The following LTBP2 variants were observed in gnomAD, a reference collection of about 807,000 sequenced individuals.
LTBP2 encodes latent-transforming growth factor beta-binding protein 2.
LTBP2 carries 103 observed loss-of-function variants against 210.6 expected under a neutral mutation model. The observed-to-expected ratio is 0.49, with a 90% CI of 0.42 to 0.58. The LOEUF (loss-of-function observed/expected upper bound fraction) is 0.58. Among genes scored for constraint, LTBP2 ranks in the 20% least tolerant of loss-of-function variants. The pLI, the probability that LTBP2 is intolerant of heterozygous loss-of-function variation, is 0.00. For missense variants in LTBP2, 2,313 were observed against 2,494.5 expected, an observed-to-expected ratio of 0.93 and a Z score of 1.55; for synonymous variants, 1,007 against 1,015.0, an observed-to-expected ratio of 0.99 and a Z score of 0.15.
At position 74,590,750 on chromosome 14, in the gene LTBP2, T is replaced by C. The variant is rs572464213; in HGVS notation, c.566-4632A>G. Among the ~76,000 whole-genome samples, 9 of 134,286 alleles carry C rather than the reference T, an allele frequency of 6.7e-5. No homozygotes were observed. In the South Asian group the frequency reaches 2.1e-3, roughly 31 times the overall value. 88.1% of individuals were successfully genotyped at this position (134,286 alleles called of 152,430 possible). A position where few individuals can be genotyped will look rare whatever the true frequency, so the allele number is the denominator to read the frequency against. On this transcript the variant is annotated intron_variant, in intron 2 of 35. Transcript: ENST00000261978. ...AGTAGCTCAGGAATGGAAAACCAAATACATGTCATCACTTACAAGTGGGAG... is the reference window on the plus strand; with the variant it reads ...AGTAGCTCAGGAATGGAAAACCAAACACATGTCATCACTTACAAGTGGGAG...
chr14:74,500,596 A>G lies in LTBP2; in HGVS notation c.*288T>C. On this transcript the variant is annotated 3_prime_UTR_variant, in exon 36 of 36. Transcript: ENST00000261978. ...CAGCTTGGGAGGGTGGATGAGGGCC[A>G]TCCTTTGGTAAGCATCCCATAGCAA... 1 of 527,698 alleles carries G rather than the reference A, an allele frequency of 1.9e-6. No individual in the cohort carries two copies. The highest frequency in any genetic ancestry group is 3.5e-6 in the Non-Finnish European group (1 of 289,066). The allele number at this position is 527,698 out of a possible 1,614,324, so 32.7% of individuals were successfully genotyped here. A position where few individuals can be genotyped will look rare whatever the true frequency, so the allele number is the denominator to read the frequency against.
intron 17 of LTBP2, among the ~76,000 whole-genome samples, chr14:74,517,158 T>G (rs1566619728): frequency 6.6e-6 from 1 of 152,178 alleles, no homozygotes; most frequent in Non-Finnish European, 1.5e-5. Context: ...CCTGAGTTCC[T>G]TTCTCTCAGG....
rs150408645 is a variant in LTBP2, at chr14:74,555,489, C to T, written c.1021+14G>A. On this transcript the variant is annotated intron_variant, in intron 4 of 35. Transcript: ENST00000261978. ...GGCCCTGCTCTTCTAGGACCCAAGA[C>T]AGGGTATCCTTACCCCAGGGGGATG... The T allele has an allele frequency of 0.019, 30,585 of 1,612,400 alleles. 421 individuals are homozygous for T. Among genetic ancestry groups the T allele is most frequent in the Non-Finnish European group, 0.021 (24,805 of 1,178,984 alleles).
intron 20 of LTBP2, 45 bp from the exon 21 acceptor site, chr14:74,509,904 C>A: frequency 1.2e-6 from 2 of 1,613,824 alleles, no homozygotes; most frequent in South Asian, 2.2e-5. Context: ...GCAGGACAGA[C>A]AGGCCAGGAC....
chr14:74,534,387 T>G (rs1253418585), intron 9 of LTBP2, among the ~76,000 whole-genome samples: 1 of 152,158 alleles, frequency 6.6e-6, no homozygotes, highest in East Asian at 1.9e-4. Context: ...TCTGGGACAC[T>G]CCAGACAGCA....
chr14:74,540,537 G>A (rs1033049363), intron 8 of LTBP2, among the ~76,000 whole-genome samples: 13 of 150,958 alleles, frequency 8.6e-5, no homozygotes, highest in Admixed American at 1.3e-4. Flanking sequence ...AGGCCGAGGC[G>A]GGCGGATCAT....
At chr14:74,543,360 A>G (rs1223235756) in intron 8 of LTBP2, among the ~76,000 whole-genome samples, 2 of 130,740 alleles carry the variant, frequency 1.5e-5, no homozygotes, top group African/African-American at 2.8e-5. Flanking sequence ...CCTGGGTGAC[A>G]GAGCGAGACT....
chr14:74,519,922 C>T (rs1380159749), intron 17 of LTBP2, among the ~76,000 whole-genome samples: 1 of 152,256 alleles, frequency 6.6e-6, no homozygotes, highest in Non-Finnish European at 1.5e-5. Flanking sequence ...TTCCCTCAGC[C>T]TCTCTCCTGG....
At position 74,507,261 on chromosome 14, in the gene LTBP2, C is replaced by T. The variant is rs2087004147; in HGVS notation, c.3825G>A (p.Lys1275=). The change falls in exon 26 of 36, where the codon AAG becomes AAA. Residue 1275 remains lysine (K), a synonymous_variant. Coordinates refer to ENST00000261978, the MANE Select transcript of LTBP2 (RefSeq NM_000428.3). ...DYGDPVCGTW[K]CENSPGSYRC... is the part of the protein sequence containing the mutation. ...GGTAGGAGCCAGGGCTGTTTTCACA[C>T]TTCCAGGTGCCACACACCGGGTCTC... 2 of 1,614,228 alleles carry T rather than the reference C, an allele frequency of 1.2e-6. No individual in the cohort carries two copies. Among genetic ancestry groups the T allele is most frequent in the Non-Finnish European group, 8.5e-7 (1 of 1,180,042 alleles).
At chr14:74,532,125 G>A (rs563372587) in intron 10 of LTBP2, among the ~76,000 whole-genome samples, 31 of 152,046 alleles carry the variant, frequency 2.0e-4, no homozygotes, top group African/African-American at 7.0e-4. Flanking sequence ...GGCTACACAT[G>A]GAACAGAAAT....
At chr14:74,507,116 C>T (rs1355771464) in intron 26 of LTBP2, 63 bp downstream of exon 26, 8 of 1,612,806 alleles carry the variant, frequency 5.0e-6, no homozygotes, top group African/African-American at 2.7e-5. Context: ...TCATGTCTCG[C>T]TCAATATGTG....
rs2086926902 is a variant in LTBP2, at chr14:74,502,817, T to C, written c.5006A>G (p.Tyr1669Cys). The C allele has an allele frequency of 6.2e-7, 1 of 1,614,148 alleles. No individual in the cohort carries two copies. Among genetic ancestry groups the C allele is most frequent in the Non-Finnish European group, 8.5e-7 (1 of 1,180,010 alleles). Residue 1669 changes from tyrosine (Y) to cysteine (C), a missense_variant, in exon 34 of 36, where the codon TAT becomes TGT. Physicochemically the swap from Tyr to Cys is radical, Grantham distance 194. Transcript: ENST00000261978. ...PGPDDLHYSI[Y>C]GPDGAPFYNY... ...GTAGAAGGGGGCCCCATCTGGGCCA[T>C]AGATGCTGTAGTGCAGGTCATCGGG... is the stretch of plus-strand genomic sequence containing the variant.
At chr14:74,608,114 G>C (rs920806004) in intron 1 of LTBP2, among the ~76,000 whole-genome samples, 4 of 151,008 alleles carry the variant, frequency 2.6e-5, no homozygotes, top group Non-Finnish European at 5.9e-5. Context: ...TAGAGACGGG[G>C]TTTCACCTTG....
intron 3 of LTBP2, among the ~76,000 whole-genome samples, chr14:74,578,528 C>T (rs2088091703): frequency 6.6e-6 from 1 of 152,150 alleles, no homozygotes; most frequent in Admixed American, 6.5e-5. Context: ...CCACCAGGCA[C>T]CCTACTCATG....
In LTBP2 at chr14:74,555,707, C is replaced by T. The variant is rs773559989; in HGVS notation, c.831-14G>A. 5 of 1,500,404 alleles carry T rather than the reference C, an allele frequency of 3.3e-6. No homozygotes were observed. The African/African-American group carries it at 4.2e-5, about 13-fold the overall frequency. 92.9% of individuals were successfully genotyped at this position (1,500,404 alleles called of 1,614,324 possible). On this transcript the variant is annotated splice_polypyrimidine_tract_variant and intron_variant, in intron 3 of 35. Transcript: ENST00000261978. ...CCACTCAGGGTCCTGTGGAGACAAC[C>T]GCGGCACGGGGGTTTGCACCCTGGG... is the stretch of plus-strand genomic sequence containing the variant.
rs181897934 is a variant in LTBP2, at chr14:74,537,259, C to T, written c.1790-1259G>A. 2.0e-3 allele frequency among the ~76,000 whole-genome samples: 299 copies of T among 152,154 alleles called. 1 individual carries two copies. Among genetic ancestry groups the T allele is most frequent in the Middle Eastern group, 3.4e-3 (1 of 294 alleles). ...CTAGTGTGCCAACCCTCTTGAAAAGCTCTAGCAGGAGGCATACTTCTGATC... is the reference window on the plus strand; with the variant it reads ...CTAGTGTGCCAACCCTCTTGAAAAGTTCTAGCAGGAGGCATACTTCTGATC... On this transcript the variant is annotated intron_variant, in intron 8 of 35. Transcript: ENST00000261978.
chr14:74,520,057 G>A (rs550567599), intron 17 of LTBP2, among the ~76,000 whole-genome samples: 5 of 152,338 alleles, frequency 3.3e-5, no homozygotes, highest in South Asian at 2.1e-4. Context: ...GTGTCCAAGC[G>A]CTTCAGCCTG....
chr14:74,556,539 C>T (rs1443733132), intron 3 of LTBP2, among the ~76,000 whole-genome samples: 2 of 152,082 alleles, frequency 1.3e-5, no homozygotes, highest in African/African-American at 2.4e-5. Flanking sequence ...TTTTTGAGAC[C>T]GAGTTTTGCT....
chr14:74,508,684 T>G lies in LTBP2; in HGVS notation c.3572A>C (p.Glu1191Ala). 2 of 1,613,646 alleles carry G rather than the reference T, an allele frequency of 1.2e-6. No homozygotes were observed. Among genetic ancestry groups the G allele is most frequent in the Non-Finnish European group, 1.7e-6 (2 of 1,179,986 alleles). ...GAAAGACCCGTGGCTGTTGAGGCAC[T>G]CGCCGTGGGGTGCGCAGTGCTCCTC... ...MGEEHCAPHG[E>A]CLNSHGSFFC... The change falls in exon 24 of 36, where the codon GAG becomes GCG. Residue 1191 changes from glutamate (E) to alanine (A), a missense_variant. Around this residue, in one of 3 missense-constraint regions of LTBP2, gnomAD observed 1,867 missense variants for 1,976.9 expected, o/e 0.94. Transcript: ENST00000261978.
Sources: allele counts gnomAD v4.1 joint callset (sites outside exome capture counted in the v4.1 genomes callset), GRCh38; gene constraint gnomAD v4.1.1; regional missense constraint gnomAD v4.1.1; transcripts MANE v1.5; gene names NCBI Gene and HGNC (gene_info 2026-07-23, HGNC 2026-07-21).